WDHD1: variants seen among roughly 807,000 people sequenced by gnomAD.
WDHD1 encodes WD repeat and HMG-box DNA binding protein 1, also known as WD repeat and HMG-box DNA-binding protein 1.
In WDHD1, 111 loss-of-function variants were observed where a neutral mutation model predicts 135.4. The observed-to-expected ratio is 0.82, with a 90% CI of 0.70 to 0.96. The LOEUF is 0.96. WDHD1 is among the 40% of genes least tolerant of loss of function. The pLI, the probability that WDHD1 is intolerant of heterozygous loss-of-function variation, is 0.00. For missense variants in WDHD1, 1,351 were observed against 1,336.3 expected, an observed-to-expected ratio of 1.01 and a Z score of -0.17; for synonymous variants, 434 against 439.0, an observed-to-expected ratio of 0.99 and a Z score of 0.14.
chr14:55,002,865 T>C (rs1282336320), intron 7 of WDHD1, among the ~76,000 whole-genome samples: 1 of 152,160 alleles, frequency 6.6e-6, no homozygotes, highest in African/African-American at 2.4e-5. Context: ...AGTGCTGAGA[T>C]TACAGCGTGA....
At chr14:54,998,350 G>A (rs1566734784) in intron 10 of WDHD1, among the ~76,000 whole-genome samples, 2 of 152,022 alleles carry the variant, frequency 1.3e-5, no homozygotes, top group Non-Finnish European at 2.9e-5. Flanking sequence ...GGCTGGTCTT[G>A]AACTCCTGAC....
At chr14:54,944,599 C>T in intron 24 of WDHD1, 129 bp from the exon 25 acceptor site, 1 of 643,826 alleles carries the variant, frequency 1.6e-6, no homozygotes, top group Non-Finnish European at 2.3e-6. Context: ...CACAGTTACA[C>T]TTGTTAATTC....
chr14:54,962,919 A>C, intron 19 of WDHD1, 33 bp downstream of exon 19: 2 of 1,612,670 alleles, frequency 1.2e-6, no homozygotes, highest in Non-Finnish European at 1.7e-6. Context: ...CAAGACAGTA[A>C]AGGAAAATTC....
intron 10 of WDHD1, among the ~76,000 whole-genome samples, chr14:54,996,042 T>C (rs1194315564): frequency 6.6e-6 from 1 of 152,172 alleles, no homozygotes; most frequent in Non-Finnish European, 1.5e-5. Flanking sequence ...GATGGGAGTA[T>C]AGGGACTGAC....
intron 16 of WDHD1, among the ~76,000 whole-genome samples, chr14:54,972,753 C>T (rs2041461978): frequency 6.6e-6 from 1 of 152,040 alleles, no homozygotes; most frequent in African/African-American, 2.4e-5. Flanking sequence ...GCCAGGAGAC[C>T]AGCCTGGGCA....
intron 21 of WDHD1, among the ~76,000 whole-genome samples, chr14:54,957,993 T>C (rs2041188454): frequency 6.6e-6 from 1 of 152,192 alleles, no homozygotes. Flanking sequence ...TCAAGTTTCT[T>C]GACATCCTAC....
chr14:54,978,885 T>C (rs2041571065), intron 16 of WDHD1, among the ~76,000 whole-genome samples: 1 of 152,246 alleles, frequency 6.6e-6, no homozygotes, highest in Non-Finnish European at 1.5e-5. Context: ...CTACCAAATC[T>C]ATCTGCATTT....
intron 10 of WDHD1, among the ~76,000 whole-genome samples, chr14:54,997,043 G>C (rs185820831): frequency 1.6e-3 from 226 of 145,096 alleles, no homozygotes; most frequent in Non-Finnish European, 2.7e-3. Context: ...ACCCGCCTCA[G>C]ACTCCCAAAG....
Position 54,995,801 on chromosome 14 carries a change from C to G in WDHD1, c.955G>C (p.Val319Leu). ...AAAAGATCATTATAATCCTTTTCCA[C>G]TCTGCTAGATACCTTGAACAAATTA... The part of the protein sequence containing the change: ...KTSSSKVSSR[V>L]EKDYNDLFDG... The change falls in exon 11 of 26, where the codon GTG (valine) becomes CTG (leucine). Residue 319 changes from valine to leucine, a missense_variant. By Grantham distance (32) the Val-to-Leu change is conservative. Around this residue, in one of 2 missense-constraint regions of WDHD1, gnomAD observed 1,330 missense variants for 1,296.1 expected, o/e 1.03. Transcript: ENST00000360586. 3.1e-6 allele frequency: 5 copies of G among 1,598,746 alleles called. No individual in the cohort carries two copies. Among genetic ancestry groups the G allele is most frequent in the Non-Finnish European group, 4.3e-6 (5 of 1,172,588 alleles).
rs773728020 is a variant in WDHD1, at chr14:54,981,562, G to T, written c.2041C>A (p.His681Asn). The change falls in exon 16 of 26, where the codon CAT becomes AAT. Residue 681 changes from histidine (H) to asparagine (N), a missense_variant. His to Asn is a moderately conservative substitution (Grantham distance 68). Coordinates refer to ENST00000360586, the MANE Select transcript of WDHD1 (RefSeq NM_007086.4). ...CACCTTAGTTGCTGGGGATTTTCAT[G>T]GATACCAACCACCCAGTAGTGATCA... Reference protein sequence around the residue: ...KSDHYWVVGIHENPQQLRCIP... With the variant: ...KSDHYWVVGINENPQQLRCIP... 1.9e-5 allele frequency: 31 copies of T among 1,610,714 alleles called. 1 individual carries two copies. The South Asian group carries it at 3.4e-4, about 18-fold the overall frequency.
chr14:54,969,395 C>T (rs983234292), intron 16 of WDHD1, among the ~76,000 whole-genome samples: 2 of 148,976 alleles, frequency 1.3e-5, no homozygotes, highest in African/African-American at 4.9e-5. Context: ...AAAGCAATTG[C>T]AACAAAAACC....
intron 2 of WDHD1, among the ~76,000 whole-genome samples, chr14:55,019,669 G>A (rs922907487): frequency 2.0e-5 from 3 of 152,160 alleles, no homozygotes; most frequent in Non-Finnish European, 2.9e-5. Context: ...AGGAGTTCAA[G>A]ACTAGCCTGG....
intron 16 of WDHD1, among the ~76,000 whole-genome samples, chr14:54,972,449 A>G (rs1438106776): frequency 1.4e-5 from 2 of 147,988 alleles, no homozygotes; most frequent in East Asian, 4.0e-4. Context: ...GTGGTGGTGA[A>G]CGCCTGTAAT....
chr14:55,002,391 C>A (rs962466482), intron 7 of WDHD1, among the ~76,000 whole-genome samples: 1 of 152,148 alleles, frequency 6.6e-6, no homozygotes, highest in Non-Finnish European at 1.5e-5. Context: ...CTGGCTCAGC[C>A]TCCTAAGTAG....
At chr14:54,971,360 T>C (rs1345418029) in intron 16 of WDHD1, among the ~76,000 whole-genome samples, 1 of 152,092 alleles carries the variant, frequency 6.6e-6, no homozygotes, top group Non-Finnish European at 1.5e-5. Context: ...GAGGATTACT[T>C]GAGCCCAGGA....
In WDHD1 at chr14:54,963,101, A is replaced by C; in HGVS notation, c.2382T>G (p.Asn794Lys). The C allele has an allele frequency of 1.2e-6, 2 of 1,604,980 alleles. No individual in the cohort carries two copies. The highest frequency in any genetic ancestry group is 2.2e-5 in the South Asian group (2 of 90,856). Residue 794 changes from asparagine to lysine, a missense_variant, in exon 19 of 26, where the codon AAT (asparagine) becomes AAG (lysine). By Grantham distance (94) the Asn-to-Lys change is moderately conservative (BLOSUM62 0). Around this residue, in one of 2 missense-constraint regions of WDHD1, gnomAD observed 1,330 missense variants for 1,296.1 expected, o/e 1.03. Transcript: ENST00000360586. Reference protein sequence around the residue: ...LADLMTQNAVNLAIKYASRSR... With the variant: ...LADLMTQNAVKLAIKYASRSR... ...AGCGAGAAGCATATTTAATGGCTAA[A>C]TTCACAGCATTTTGAGTCATTAGAT... is the stretch of plus-strand genomic sequence containing the variant.
Position 55,000,528 on chromosome 14 carries a change from G to A in WDHD1, c.917C>T (p.Pro306Leu). The A allele has an allele frequency of 1.2e-6, 2 of 1,603,252 alleles. No individual in the cohort carries two copies. The highest frequency in any genetic ancestry group is 1.7e-5 in the Admixed American group (1 of 58,828). ...NLGLLENVCDPSGKTSSSKVS... is the reference protein window; with the variant it reads ...NLGLLENVCDLSGKTSSSKVS... ...CTTACTGCTTGATGTCTTTCCACTG[G>A]GGTCACAAACATTCTCTAGAAGCCC... Residue 306 changes from proline (P) to leucine (L), a missense_variant, in exon 10 of 26, where the codon CCC (proline) becomes CTC (leucine). Pro to Leu is a moderately conservative substitution (Grantham distance 98, BLOSUM62 -3). This residue lies in a region of WDHD1 where 1,330 missense variants were observed against 1,296.1 expected (regional missense o/e 1.03). Coordinates refer to ENST00000360586, the MANE Select transcript of WDHD1 (RefSeq NM_007086.4).
chr14:54,980,559 T>A (rs1312664168), intron 16 of WDHD1, among the ~76,000 whole-genome samples: 1 of 151,464 alleles, frequency 6.6e-6, no homozygotes, highest in Non-Finnish European at 1.5e-5. Flanking sequence ...TGCCTGTACT[T>A]TGGGTGGATC....
At chr14:54,994,104 A>C (rs1031193555) in intron 11 of WDHD1, among the ~76,000 whole-genome samples, 1 of 152,190 alleles carries the variant, frequency 6.6e-6, no homozygotes, top group Non-Finnish European at 1.5e-5. Context: ...TACAATCTCA[A>C]TTTCTTCATT....
Sources: gnomAD v4.1 joint callset for allele counts (sites outside exome capture counted in the v4.1 genomes callset) on GRCh38, gnomAD v4.1.1 for gene constraint, gnomAD v4.1.1 regional missense constraint, MANE v1.5 for transcripts, NCBI Gene and HGNC (gene_info 2026-07-23, HGNC 2026-07-21) for gene names.